SMOC2: variants seen among roughly 807,000 people sequenced by gnomAD.
SMOC2 encodes SPARC related modular calcium binding 2, also known as SPARC-related modular calcium-binding protein 2.
Under a neutral mutation model 61.4 loss-of-function variants are expected in SMOC2, and 39 were observed. The ratio of observed to expected loss-of-function variants is 0.64; its 90% CI spans 0.49 to 0.83. The LOEUF (loss-of-function observed/expected upper bound fraction) is 0.83. Among genes scored for constraint, SMOC2 ranks in the 40% least tolerant of loss-of-function variants. The probability of loss-of-function intolerance (pLI) is 0.00; values close to 1 mark genes in which losing one functional copy is unlikely to be tolerated. For synonymous variants in SMOC2, 247 were observed against 239.9 expected, an observed-to-expected ratio of 1.03 and a Z score of -0.27; for missense variants, 556 against 592.9, an observed-to-expected ratio of 0.94 and a Z score of 0.65.
chr6:168,558,804 C>CAT (rs1554239865), intron 7 of SMOC2, among the ~76,000 whole-genome samples: 1 of 151,146 alleles, frequency 6.6e-6, no homozygotes, highest in East Asian at 2.0e-4. Context: ...TGCGTGTGCG[C>CAT]ATGTGTGTGT....
intron 1 of SMOC2, among the ~76,000 whole-genome samples, chr6:168,470,225 G>A (rs1439484015): frequency 1.3e-5 from 2 of 152,240 alleles, no homozygotes; most frequent in Admixed American, 6.5e-5. Context: ...CAGTCTGCCA[G>A]TATCAGTCTC....
intron 4 of SMOC2, among the ~76,000 whole-genome samples, chr6:168,539,087 C>T (rs748179474): frequency 1.3e-5 from 2 of 152,106 alleles, no homozygotes; most frequent in African/African-American, 4.8e-5. Flanking sequence ...CTGACACTGA[C>T]GGGACCTGGA....
At chr6:168,502,647 T>C (rs979692904) in intron 1 of SMOC2, among the ~76,000 whole-genome samples, 1 of 152,230 alleles carries the variant, frequency 6.6e-6, no homozygotes, top group African/African-American at 2.4e-5. Context: ...GTTATTTCAC[T>C]CAGACTCTTA....
At chr6:168,537,328 T>C (rs1783756589) in intron 4 of SMOC2, among the ~76,000 whole-genome samples, 1 of 152,152 alleles carries the variant, frequency 6.6e-6, no homozygotes, top group Non-Finnish European at 1.5e-5. Context: ...TCTGTCCTAA[T>C]ACAGCACTCT....
At chr6:168,532,532 A>G (rs1783633825) in intron 4 of SMOC2, among the ~76,000 whole-genome samples, 1 of 150,008 alleles carries the variant, frequency 6.7e-6, no homozygotes, top group Non-Finnish European at 1.5e-5. Context: ...TTTGCAACCC[A>G]TTCTCCAGTA....
At chr6:168,617,338 C>T (rs559991837) in intron 9 of SMOC2, among the ~76,000 whole-genome samples, 1 of 152,310 alleles carries the variant, frequency 6.6e-6, no homozygotes, top group African/African-American at 2.4e-5. Flanking sequence ...ATTGATACTT[C>T]AACAGCTGAG....
chr6:168,569,103 T>C (rs1157771844), intron 7 of SMOC2, among the ~76,000 whole-genome samples: 1 of 152,218 alleles, frequency 6.6e-6, no homozygotes, highest in Non-Finnish European at 1.5e-5. Context: ...TAAAACTCTG[T>C]GTGTCTTCAT....
At chr6:168,575,554 A>G (rs188807056) in intron 7 of SMOC2, among the ~76,000 whole-genome samples, 1 of 152,168 alleles carries the variant, frequency 6.6e-6, no homozygotes, top group Non-Finnish European at 1.5e-5. Context: ...AGCTCCTCGC[A>G]GGGGGTGGGT....
chr6:168,469,661 C>T (rs1208575046), intron 1 of SMOC2, among the ~76,000 whole-genome samples: 3 of 152,154 alleles, frequency 2.0e-5, no homozygotes, highest in Admixed American at 2.0e-4. Flanking sequence ...TGCTCGGAGC[C>T]GATGACATTT....
rs1784225619 is a variant in SMOC2, at chr6:168,555,488, G to A, written c.637+6285G>A. 3.3e-5 allele frequency among the ~76,000 whole-genome samples: 5 copies of A among 152,222 alleles called. No individual in the cohort carries two copies. The South Asian group carries it at 8.3e-4, about 25-fold the overall frequency. On this transcript the variant is annotated intron_variant, in intron 7 of 12. Coordinates refer to ENST00000356284, the MANE Select transcript of SMOC2 (RefSeq NM_001166412.2). ...TCCCGTCGCCTACACAGAGAGGCTG[G>A]GTGCTGGCTCAGCCAGCCCAGCGAG...
chr6:168,600,388 C>T (rs571621060), intron 8 of SMOC2, among the ~76,000 whole-genome samples: 2 of 117,684 alleles, frequency 1.7e-5, no homozygotes, highest in Non-Finnish European at 3.3e-5. Flanking sequence ...GCCTGGGTGA[C>T]AAGAGCGAAA....
At chr6:168,505,940 A>G (rs1782862736) in intron 1 of SMOC2, among the ~76,000 whole-genome samples, 1 of 151,810 alleles carries the variant, frequency 6.6e-6, no homozygotes, top group South Asian at 2.1e-4. Context: ...TGCACCTCCC[A>G]CTAAGAAAGC....
intron 9 of SMOC2, among the ~76,000 whole-genome samples, chr6:168,638,087 C>A (rs1157698677): frequency 7.9e-5 from 12 of 150,944 alleles, no homozygotes; most frequent in Admixed American, 3.3e-4. Context: ...CCTGCCCCTG[C>A]CCTGCCCAGG....
chr6:168,494,767 C>T (rs1782548325), intron 1 of SMOC2, among the ~76,000 whole-genome samples: 1 of 152,200 alleles, frequency 6.6e-6, no homozygotes, highest in African/African-American at 2.4e-5. Context: ...GGAGCAGCCC[C>T]ATCCCAGCAG....
intron 8 of SMOC2, among the ~76,000 whole-genome samples, chr6:168,604,882 G>C (rs111620386): frequency 1.9e-4 from 29 of 152,316 alleles, no homozygotes; most frequent in African/African-American, 6.0e-4. Flanking sequence ...CACTTAGAAG[G>C]AGATATGAGG....
At chr6:168,617,561 C>G (rs1027754708) in intron 9 of SMOC2, among the ~76,000 whole-genome samples, 1 of 152,208 alleles carries the variant, frequency 6.6e-6, no homozygotes, top group Admixed American at 6.5e-5. Flanking sequence ...TTGTCCCGCA[C>G]TCACATCCGC....
chr6:168,490,112 C>A (rs1782437780), intron 1 of SMOC2, among the ~76,000 whole-genome samples: 1 of 151,998 alleles, frequency 6.6e-6, no homozygotes, highest in African/African-American at 2.4e-5. Context: ...CCCCTTGGAT[C>A]ACAGTTTTAG....
chr6:168,631,781 G>A (rs1236974055), intron 9 of SMOC2, among the ~76,000 whole-genome samples: 1 of 152,168 alleles, frequency 6.6e-6, no homozygotes, highest in Non-Finnish European at 1.5e-5. Flanking sequence ...GGAGGATGGA[G>A]TTTCCCATTA....
intron 8 of SMOC2, among the ~76,000 whole-genome samples, chr6:168,607,705 C>T (rs533018670): frequency 1.3e-4 from 19 of 150,794 alleles, no homozygotes; most frequent in Middle Eastern, 3.4e-3. Flanking sequence ...TTTCCTTGGG[C>T]GGGGTGGGGG....
Sources: allele counts gnomAD v4.1 joint callset (sites outside exome capture counted in the v4.1 genomes callset), GRCh38; gene constraint gnomAD v4.1.1; transcripts MANE v1.5; gene names NCBI Gene and HGNC (gene_info 2026-07-23, HGNC 2026-07-21).